TACO1: variants seen among roughly 807,000 people sequenced by gnomAD.
TACO1 encodes translational activator of cytochrome c oxidase 1.
Under a neutral mutation model 24.0 loss-of-function variants are expected in TACO1, and 13 were observed. The ratio of observed to expected loss-of-function variants is 0.54; its 90% CI spans 0.35 to 0.86. The LOEUF is 0.86. Among genes scored for constraint, TACO1 ranks in the 40% least tolerant of loss-of-function variants. The pLI is 0.01. For synonymous variants in TACO1, 149 were observed against 153.5 expected, an observed-to-expected ratio of 0.97 and a Z score of 0.22; for missense variants, 352 against 380.1, an observed-to-expected ratio of 0.93 and a Z score of 0.61.
intron 2 of TACO1, 122 bp from the exon 3 acceptor site, chr17:63,606,191 A>C: frequency 7.9e-7 from 1 of 1,268,702 alleles, no homozygotes; most frequent in African/African-American, 1.5e-5. Flanking sequence ...AAAGATTGAG[A>C]GCTCAGGCTC....
intron 1 of TACO1, 88 bp downstream of exon 1, chr17:63,601,451 A>C: frequency 7.0e-7 from 1 of 1,428,996 alleles, no homozygotes. Context: ...GGGCCCACCT[A>C]GATCTCCGGC....
At position 63,600,953 on chromosome 17, in the gene TACO1, GC is replaced by G; in HGVS notation, c.-128del. ...TTAGCTGTTGAGCCGCCCCGGGCGG[GC>G]CCAAGCCTTTGGATCTCAGGTGACC... On this transcript the variant is annotated 5_prime_UTR_variant, in exon 1 of 5. Coordinates refer to ENST00000258975, the MANE Select transcript of TACO1 (RefSeq NM_016360.4). The G allele has an allele frequency of 9.0e-7, 1 of 1,110,808 alleles. No homozygotes were observed. Among genetic ancestry groups the G allele is most frequent in the Non-Finnish European group, 1.3e-6 (1 of 775,224 alleles). 68.8% of individuals were successfully genotyped at this position (1,110,808 alleles called of 1,614,324 possible).
In TACO1 at chr17:63,600,981, G is replaced by T; in HGVS notation, c.-103G>T. The T allele has an allele frequency of 7.2e-7, 1 of 1,386,842 alleles. No homozygotes were observed. The highest frequency in any genetic ancestry group is 2.0e-5 in the Admixed American group (1 of 50,046). The allele number at this position is 1,386,842 out of a possible 1,614,324, so 85.9% of individuals were successfully genotyped here. A position where few individuals can be genotyped will look rare whatever the true frequency, so the allele number is the denominator to read the frequency against. Reference sequence around the variant, plus strand: ...CAAGCCTTTGGATCTCAGGTGACCGGCACAGGCGGCCGCGGGGTCCGGAAC... The same window carrying T: ...CAAGCCTTTGGATCTCAGGTGACCGTCACAGGCGGCCGCGGGGTCCGGAAC... On this transcript the variant is annotated 5_prime_UTR_variant, in exon 1 of 5. Transcript: ENST00000258975.
chr17:63,606,474 A>G (rs767060009), intron 3 of TACO1, 34 bp downstream of exon 3: 2 of 1,613,588 alleles, frequency 1.2e-6, no homozygotes, highest in South Asian at 2.2e-5. Context: ...GGTAGGGGAC[A>G]GAGCCTTTAT....
In TACO1 at chr17:63,600,962, T is replaced by G; in HGVS notation, c.-122T>G. On this transcript the variant is annotated 5_prime_UTR_variant, in exon 1 of 5. Transcript: ENST00000258975. Reference sequence around the variant, plus strand: ...GAGCCGCCCCGGGCGGGCCCAAGCCTTTGGATCTCAGGTGACCGGCACAGG... The same window carrying G: ...GAGCCGCCCCGGGCGGGCCCAAGCCGTTGGATCTCAGGTGACCGGCACAGG... 1.6e-6 allele frequency: 2 copies of G among 1,225,596 alleles called. No individual in the cohort carries two copies. The highest frequency in any genetic ancestry group is 2.7e-5 in the South Asian group (2 of 74,450). The allele number at this position is 1,225,596 out of a possible 1,614,324, so 75.9% of individuals were successfully genotyped here. A position where few individuals can be genotyped will look rare whatever the true frequency, so the allele number is the denominator to read the frequency against.
rs887387113 is a variant in TACO1, at chr17:63,604,619, T to G, written c.366T>G (p.Ile122Met). Residue 122 changes from isoleucine to methionine, a missense_variant, in exon 2 of 5, where the codon ATT (isoleucine) becomes ATG (methionine). Transcript: ENST00000258975. Reference protein sequence around the residue: ...CRSKHMPKSTIETALKMEKSK... With the variant: ...CRSKHMPKSTMETALKMEKSK... The stretch of plus-strand genomic sequence containing the variant: ...GCAAACATATGCCCAAGTCAACGAT[T>G]GAGACAGCACTGAAAATGGAGGTGT... The G allele has an allele frequency of 5.6e-6, 9 of 1,614,026 alleles. No individual in the cohort carries two copies. Among genetic ancestry groups the G allele is most frequent in the African/African-American group, 1.3e-5 (1 of 74,916 alleles).
chr17:63,604,691 A>T, intron 2 of TACO1, 51 bp downstream of exon 2: 1 of 1,511,870 alleles, frequency 6.6e-7, no homozygotes, highest in Non-Finnish European at 9.2e-7. Flanking sequence ...TACCGGGCTC[A>T]TGTCTGGATG....
chr17:63,602,924 A>G (rs549859743), intron 1 of TACO1, among the ~76,000 whole-genome samples: 104 of 152,336 alleles, frequency 6.8e-4, no homozygotes, highest in African/African-American at 2.4e-3. Context: ...TCACAATGTC[A>G]TGTGAACATT....
In TACO1 at chr17:63,607,399, G is replaced by A; in HGVS notation, c.628G>A (p.Ala210Thr). 6.2e-7 allele frequency: 1 copy of A among 1,614,200 alleles called. No individual in the cohort carries two copies. The highest frequency in any genetic ancestry group is 2.2e-5 in the East Asian group (1 of 44,880). The change falls in exon 4 of 5, where the codon GCA (alanine) becomes ACA (threonine). Residue 210 changes from alanine to threonine, a missense_variant. By Grantham distance (58) the Ala-to-Thr change is moderately conservative. Coordinates refer to ENST00000258975, the MANE Select transcript of TACO1 (RefSeq NM_016360.4). ...AVNLERALEM[A>T]IEAGAEDVKE... Reference sequence around the variant, plus strand: ...GAACCTAGAGCGTGCCCTGGAGATGGCAATCGAAGCAGGAGCTGAGGATGT... The same window carrying A: ...GAACCTAGAGCGTGCCCTGGAGATGACAATCGAAGCAGGAGCTGAGGATGT...
intron 4 of TACO1, 73 bp from the exon 5 acceptor site, chr17:63,607,729 C>A: frequency 7.1e-7 from 1 of 1,415,264 alleles, no homozygotes; most frequent in Non-Finnish European, 9.9e-7. Flanking sequence ...ACATTCAGGA[C>A]TTTGCAAGGT....
rs774510049 is a variant in TACO1, at chr17:63,604,600, A to G, written c.347A>G (p.His116Arg). ...ATCTTAGAGGTGTGTCGCAGCAAAC[A>G]TATGCCCAAGTCAACGATTGAGACA... ...ANILEVCRSK[H>R]MPKSTIETAL... Residue 116 changes from histidine (H) to arginine (R), a missense_variant, in exon 2 of 5, where the codon CAT (histidine) becomes CGT (arginine). Coordinates refer to ENST00000258975, the MANE Select transcript of TACO1 (RefSeq NM_016360.4). 1.4e-5 allele frequency: 23 copies of G among 1,614,144 alleles called. No homozygotes were observed. Among genetic ancestry groups the G allele is most frequent in the East Asian group, 2.2e-5 (1 of 44,880 alleles).
At chr17:63,603,548 A>T (rs1179493973) in intron 1 of TACO1, among the ~76,000 whole-genome samples, 2 of 151,962 alleles carry the variant, frequency 1.3e-5, no homozygotes, top group African/African-American at 4.8e-5. Context: ...TCTACTAAAA[A>T]TACAAAAATT....
At position 63,606,376 on chromosome 17, in the gene TACO1, G is replaced by A. The variant is rs139687237; in HGVS notation, c.451G>A (p.Glu151Lys). Reference protein sequence around the residue: ...RGPGGSSLLIEALSNSSHKCQ... With the variant: ...RGPGGSSLLIKALSNSSHKCQ... ...CCCTGGTGGCTCTTCTCTGCTCATCGAGGCATTATCTAACAGTAGCCACAA... is the reference window on the plus strand; with the variant it reads ...CCCTGGTGGCTCTTCTCTGCTCATCAAGGCATTATCTAACAGTAGCCACAA... The change falls in exon 3 of 5, where the codon GAG (glutamate) becomes AAG (lysine). Residue 151 changes from glutamate (E) to lysine (K), a missense_variant. Physicochemically the swap from Glu to Lys is moderately conservative, Grantham distance 56 (BLOSUM62 1). Transcript: ENST00000258975. 82 of 1,614,098 alleles carry A rather than the reference G, an allele frequency of 5.1e-5. No individual in the cohort carries two copies. In the East Asian group the frequency reaches 9.8e-4, roughly 19 times the overall value.
At position 63,607,791 on chromosome 17, in the gene TACO1, T is replaced by A; in HGVS notation, c.694-11T>A. On this transcript the variant is annotated splice_polypyrimidine_tract_variant and intron_variant, in intron 4 of 4. Coordinates refer to ENST00000258975, the MANE Select transcript of TACO1 (RefSeq NM_016360.4). ...CTGGCTCCTCACCTCCTGACTTTCC[T>A]TTATCCCTAGTTTATTTGTGATGCC... 6.2e-7 allele frequency: 1 copy of A among 1,613,554 alleles called. No homozygotes were observed. Among genetic ancestry groups the A allele is most frequent in the Non-Finnish European group, 8.5e-7 (1 of 1,179,884 alleles).
chr17:63,602,090 CA>C (rs11288092), intron 1 of TACO1, among the ~76,000 whole-genome samples: 86 of 84,188 alleles, frequency 1.0e-3, no homozygotes, highest in East Asian at 2.0e-3. Flanking sequence ...CTAAAAATAA[CA>C]AAAAAAAAAA....
intron 3 of TACO1, chr17:63,606,821 G>T: frequency 2.8e-6 from 1 of 361,994 alleles, no homozygotes; most frequent in Non-Finnish European, 5.2e-6. Flanking sequence ...AGTGCTGGGA[G>T]CCACCATGCC....
chr17:63,606,396 C>A lies in TACO1; in HGVS notation c.471C>A (p.Ser157Arg). Residue 157 changes from serine to arginine, a missense_variant, in exon 3 of 5, where the codon AGC becomes AGA. Ser to Arg is a moderately radical substitution (Grantham distance 110). Transcript: ENST00000258975. ...TCATCGAGGCATTATCTAACAGTAG[C>A]CACAAGTGCCAAGCAGACATTAGAC... ...SLLIEALSNS[S>R]HKCQADIRHI... is the part of the protein sequence containing the mutation. 2 of 1,614,152 alleles carry A rather than the reference C, an allele frequency of 1.2e-6. No homozygotes were observed. Among genetic ancestry groups the A allele is most frequent in the Non-Finnish European group, 1.7e-6 (2 of 1,180,026 alleles).
In TACO1 at chr17:63,606,307, T is replaced by C. The variant is rs1452185089; in HGVS notation, c.388-6T>C. On this transcript the variant is annotated splice_region_variant and splice_polypyrimidine_tract_variant and intron_variant, in intron 2 of 4. Coordinates refer to ENST00000258975, the MANE Select transcript of TACO1 (RefSeq NM_016360.4). ...CAGGAAAATGTGCTTGTGTTGTTTATTGCAGAAATCCAAGGACACTTATTT... is the reference window on the plus strand; with the variant it reads ...CAGGAAAATGTGCTTGTGTTGTTTACTGCAGAAATCCAAGGACACTTATTT... 1 of 1,612,898 alleles carries C rather than the reference T, an allele frequency of 6.2e-7. No homozygotes were observed. Among genetic ancestry groups the C allele is most frequent in the Non-Finnish European group, 8.5e-7 (1 of 1,180,026 alleles).
At chr17:63,602,516 TTTTA>T (rs149776147) in intron 1 of TACO1, among the ~76,000 whole-genome samples, 9 of 151,482 alleles carry the variant, frequency 5.9e-5, no homozygotes, top group African/African-American at 1.2e-4. Flanking sequence ...TTCAAGCAAC[TTTTA>T]TTTATTTATT....
Sources: allele counts gnomAD v4.1 joint callset (sites outside exome capture counted in the v4.1 genomes callset), GRCh38; gene constraint gnomAD v4.1.1; transcripts MANE v1.5; gene names NCBI Gene and HGNC (gene_info 2026-07-23, HGNC 2026-07-21).